The following HMCN1 variants were observed in gnomAD, a reference collection of about 807,000 sequenced individuals.
HMCN1 encodes the protein hemicentin-1.
A neutral mutation model predicts 625.9 loss-of-function variants in HMCN1; 321 were observed. The observed-to-expected ratio is 0.51, with a 90% CI of 0.47 to 0.56. HMCN1 has a LOEUF of 0.56. HMCN1 is among the 20% of genes least tolerant of loss of function. The pLI is 0.00. For synonymous variants in HMCN1, 2,425 were observed against 2,417.6 expected (o/e 1.00, Z -0.09); for missense variants, 6,588 against 6,887.3 (o/e 0.96, Z 1.54).
At chr1:186,161,724 T>C (rs1267807843) in intron 97 of HMCN1, among the ~76,000 whole-genome samples, 1 of 152,144 alleles carries the variant, frequency 6.6e-6, no homozygotes, top group Non-Finnish European at 1.5e-5. Flanking sequence ...AAAATTCTTT[T>C]CTTTAAGAAT....
chr1:186,112,887 A>C lies in HMCN1; in HGVS notation c.11065A>C (p.Asn3689His). The C allele has an allele frequency of 6.2e-7, 1 of 1,614,168 alleles. No individual in the cohort carries two copies. The highest frequency in any genetic ancestry group is 8.5e-7 in the Non-Finnish European group (1 of 1,179,986). The change falls in exon 72 of 107, where the codon AAT becomes CAT. Residue 3689 changes from asparagine (N) to histidine (H), a missense_variant. Physicochemically the swap from Asn to His is moderately conservative, Grantham distance 68. Around this residue, in one of 3 missense-constraint regions of HMCN1, gnomAD observed 4,628 missense variants for 4,853.1 expected, o/e 0.95. Coordinates refer to ENST00000271588, the MANE Select transcript of HMCN1 (RefSeq NM_031935.3). ...INNADLGDTA[N>H]YTCVASNIAG... Reference sequence around the variant, plus strand: ...CAATGCTGACCTAGGTGATACAGCCAATTATACCTGTGTTGCCAGCAACAT... The same window carrying C: ...CAATGCTGACCTAGGTGATACAGCCCATTATACCTGTGTTGCCAGCAACAT...
chr1:185,752,232 C>G (rs1356833196), intron 1 of HMCN1, among the ~76,000 whole-genome samples: 1 of 151,972 alleles, frequency 6.6e-6, no homozygotes, highest in African/African-American at 2.4e-5. Context: ...AGATGGCAAG[C>G]TTTCTTGACA....
chr1:185,805,180 A>G (rs1234176473), intron 1 of HMCN1, among the ~76,000 whole-genome samples: 1 of 152,186 alleles, frequency 6.6e-6, no homozygotes, highest in African/African-American at 2.4e-5. Flanking sequence ...AAAGCTTGTG[A>G]GATACAATAG....
At chr1:185,769,178 T>A (rs1489390100) in intron 1 of HMCN1, among the ~76,000 whole-genome samples, 1 of 152,144 alleles carries the variant, frequency 6.6e-6, no homozygotes, top group Non-Finnish European at 1.5e-5. Flanking sequence ...CCAGGTGCAG[T>A]GGCTCACACC....
At position 186,086,401 on chromosome 1, in the gene HMCN1, G is replaced by T. The variant is rs1659475231; in HGVS notation, c.9040G>T (p.Val3014Leu). The stretch of plus-strand genomic sequence containing the variant: ...CAAACTGAACACAAATACTCTCATT[G>T]TGCCTGGTAAGGAACTTCTTATTAT... ...PIKLNTNTLI[V>L]PGGRTLQIIR... is the part of the protein sequence containing the mutation. The change falls in exon 58 of 107, where the codon GTG becomes TTG. Residue 3014 changes from valine (V) to leucine (L), a missense_variant. Val to Leu is a conservative substitution (Grantham distance 32, BLOSUM62 1). Transcript: ENST00000271588. 6.2e-7 allele frequency: 1 copy of T among 1,612,872 alleles called. No individual in the cohort carries two copies. Among genetic ancestry groups the T allele is most frequent in the Admixed American group, 1.7e-5 (1 of 59,856 alleles).
intron 41 of HMCN1, among the ~76,000 whole-genome samples, chr1:186,046,487 C>T (rs1049005742): frequency 2.0e-5 from 3 of 151,284 alleles, no homozygotes; most frequent in African/African-American, 4.9e-5. Context: ...AAAAAAAATG[C>T]AAAAGAGCAT....
In HMCN1 at chr1:185,845,543, C is replaced by T. The variant is rs115392168; in HGVS notation, c.269-483C>T. Among the ~76,000 whole-genome samples, 259 of 152,254 alleles carry T rather than the reference C, an allele frequency of 1.7e-3. 1 individual carries two copies. Among genetic ancestry groups the T allele is most frequent in the Middle Eastern group, 3.4e-3 (1 of 292 alleles). On this transcript the variant is annotated intron_variant, in intron 1 of 106. Coordinates refer to ENST00000271588, the MANE Select transcript of HMCN1 (RefSeq NM_031935.3). ...GCCACATCTCTAAATTCTTAAAAACCTATGGGATAGGCAGTGAATGTTCAC... is the reference window on the plus strand; with the variant it reads ...GCCACATCTCTAAATTCTTAAAAACTTATGGGATAGGCAGTGAATGTTCAC...
intron 1 of HMCN1, among the ~76,000 whole-genome samples, chr1:185,764,381 T>C (rs1655724472): frequency 6.6e-6 from 1 of 152,210 alleles, no homozygotes; most frequent in Non-Finnish European, 1.5e-5. Context: ...TTTCAAGTGG[T>C]ATTTTTAAAG....
At chr1:185,879,224 G>T (rs947478901) in intron 4 of HMCN1, among the ~76,000 whole-genome samples, 1 of 152,200 alleles carries the variant, frequency 6.6e-6, no homozygotes, top group Admixed American at 6.5e-5. Context: ...AGGCTAGAGT[G>T]CAGTGTTGTG....
chr1:185,885,253 G>A (rs541628057), intron 4 of HMCN1, among the ~76,000 whole-genome samples: 5 of 151,834 alleles, frequency 3.3e-5, no homozygotes, highest in Non-Finnish European at 5.9e-5. Flanking sequence ...TAAAGATACT[G>A]TACAGGAAAA....
At chr1:185,788,172 G>A (rs181964821) in intron 1 of HMCN1, among the ~76,000 whole-genome samples, 84 of 152,274 alleles carry the variant, frequency 5.5e-4, no homozygotes, top group Non-Finnish European at 2.2e-4. Flanking sequence ...ATACTTCAAG[G>A]ATTATTTGAA....
At chr1:185,994,615 G>C (rs573281542) in intron 23 of HMCN1, among the ~76,000 whole-genome samples, 200 bp from the exon 24 acceptor site, 13 of 152,036 alleles carry the variant, frequency 8.6e-5, no homozygotes, top group African/African-American at 2.9e-4. Context: ...ATTTTCCCTG[G>C]ATTATCAAGG....
At chr1:186,057,548 A>G in intron 46 of HMCN1, 147 bp downstream of exon 46, 1 of 633,344 alleles carries the variant, frequency 1.6e-6, no homozygotes, top group Non-Finnish European at 2.8e-6. Context: ...AAGAAAAAAT[A>G]TTTAAAAGGA....
intron 25 of HMCN1, 143 bp downstream of exon 25, chr1:185,997,667 T>C: frequency 2.9e-6 from 2 of 683,492 alleles, no homozygotes; most frequent in South Asian, 3.2e-5. Flanking sequence ...AACCCATTTT[T>C]CAGATAACAG....
chr1:185,792,611 A>G (rs774180626), intron 1 of HMCN1, among the ~76,000 whole-genome samples: 1 of 152,226 alleles, frequency 6.6e-6, no homozygotes, highest in Non-Finnish European at 1.5e-5. Context: ...AAGGAATAAC[A>G]TTTATCATAT....
intron 55 of HMCN1, among the ~76,000 whole-genome samples, chr1:186,078,797 C>G (rs1658985531): frequency 6.6e-6 from 1 of 152,208 alleles, no homozygotes; most frequent in Admixed American, 6.5e-5. Context: ...TTGATAAGGT[C>G]TAGTTCATGT....
At chr1:185,795,253 T>A (rs890429387) in intron 1 of HMCN1, among the ~76,000 whole-genome samples, 3 of 152,332 alleles carry the variant, frequency 2.0e-5, no homozygotes, top group Admixed American at 6.5e-5. Flanking sequence ...TACTTGTAAC[T>A]TTCTGTTGCC....
chr1:186,058,505 T>C (rs1657490897), intron 46 of HMCN1, among the ~76,000 whole-genome samples: 1 of 151,950 alleles, frequency 6.6e-6, no homozygotes, highest in Non-Finnish European at 1.5e-5. Context: ...TTAATATGTC[T>C]GTATTTAACC....
intron 16 of HMCN1, among the ~76,000 whole-genome samples, chr1:185,979,585 C>T (rs1651474832): frequency 1.3e-5 from 2 of 152,100 alleles, no homozygotes; most frequent in African/African-American, 4.8e-5. Context: ...CCCAAGAATT[C>T]GTAATATGAA....
Sources: allele counts gnomAD v4.1 joint callset (sites outside exome capture counted in the v4.1 genomes callset), GRCh38; gene constraint gnomAD v4.1.1; regional missense constraint gnomAD v4.1.1; transcripts MANE v1.5; gene names NCBI Gene and HGNC (gene_info 2026-07-23, HGNC 2026-07-21).